The following DGKB variants were observed in gnomAD, a reference collection of about 807,000 sequenced individuals.
DGKB encodes the protein diacylglycerol kinase beta, also known as 90 kDa diacylglycerol kinase.
DGKB carries 67 observed loss-of-function variants against 114.3 expected under a neutral mutation model. The observed-to-expected ratio is 0.59, with a 90% CI of 0.48 to 0.72. The LOEUF (loss-of-function observed/expected upper bound fraction) is 0.72, where lower values mean the gene tolerates loss of function less well. Ranked by LOEUF, DGKB falls within the 30% of genes least tolerant of loss-of-function variation. The pLI is 0.00. For synonymous variants in DGKB, 398 were observed against 323.1 expected (o/e 1.23, Z -2.49); for missense variants, 907 against 975.2 (o/e 0.93, Z 0.93).
intron 25 of DGKB, among the ~76,000 whole-genome samples, chr7:14,155,238 T>C (rs989699722): frequency 6.6e-6 from 1 of 152,096 alleles, no homozygotes; most frequent in African/African-American, 2.4e-5. Context: ...ACAAATATCC[T>C]AACTTACTCA....
At chr7:14,596,095 T>C (rs962405754) in intron 17 of DGKB, among the ~76,000 whole-genome samples, 6 of 152,138 alleles carry the variant, frequency 3.9e-5, no homozygotes, top group Non-Finnish European at 7.4e-5. Flanking sequence ...CGATATTTCA[T>C]AGAGATTTAT....
intron 14 of DGKB, among the ~76,000 whole-genome samples, chr7:14,626,166 T>G (rs892733506): frequency 6.6e-5 from 10 of 152,190 alleles, no homozygotes; most frequent in African/African-American, 2.4e-4. Context: ...GAAAACTGCT[T>G]TCACAAAAGG....
At chr7:14,901,807 G>T (rs1338757186) in intron 1 of DGKB, among the ~76,000 whole-genome samples, 1 of 152,154 alleles carries the variant, frequency 6.6e-6, no homozygotes, top group Non-Finnish European at 1.5e-5. Flanking sequence ...GTTTTTAAAA[G>T]AGTTGGTTAT....
At chr7:14,827,150 A>T (rs1264739028) in intron 2 of DGKB, among the ~76,000 whole-genome samples, 1 of 152,178 alleles carries the variant, frequency 6.6e-6, no homozygotes. Flanking sequence ...GTTTTCACCC[A>T]TCCTGTGTAT....
chr7:14,834,001 T>G (rs1325563925), intron 2 of DGKB, among the ~76,000 whole-genome samples: 1 of 152,168 alleles, frequency 6.6e-6, no homozygotes, highest in Non-Finnish European at 1.5e-5. Flanking sequence ...TGCTGAATAA[T>G]GAATACAGTT....
intron 17 of DGKB, among the ~76,000 whole-genome samples, chr7:14,586,733 G>A (rs1800832090): frequency 6.6e-6 from 1 of 151,884 alleles, no homozygotes; most frequent in African/African-American, 2.4e-5. Flanking sequence ...GGGCCCCTAA[G>A]AATTATGCCA....
chr7:14,671,234 C>A (rs148264240), intron 13 of DGKB, among the ~76,000 whole-genome samples: 1 of 151,834 alleles, frequency 6.6e-6, no homozygotes, highest in Non-Finnish European at 1.5e-5. Flanking sequence ...ACATTGTGAA[C>A]CCAGGAAAGA....
intron 23 of DGKB, among the ~76,000 whole-genome samples, chr7:14,206,695 A>G (rs10950512): frequency 0.47 from 70,725 of 151,950 alleles, 19,367 homozygotes; most frequent in African/African-American, 0.77. Context: ...ATACCCATAA[A>G]ATAGGAATAG....
chr7:14,593,618 A>T (rs564966146), intron 17 of DGKB, among the ~76,000 whole-genome samples: 15 of 152,004 alleles, frequency 9.9e-5, no homozygotes, highest in African/African-American at 3.6e-4. Context: ...TATTGCATGG[A>T]AAATTATAAC....
chr7:14,852,284 GTGTGTGTGTGTGTT>G (rs756226867), intron 1 of DGKB, among the ~76,000 whole-genome samples: 4 of 151,558 alleles, frequency 2.6e-5, no homozygotes, highest in East Asian at 1.9e-4. Flanking sequence ...AAAGAAGTGT[GTGTGTGTGTGTGTT>G]TGTGTGTGTG....
chr7:14,299,852 C>T (rs1460072018), intron 23 of DGKB, among the ~76,000 whole-genome samples: 3 of 151,716 alleles, frequency 2.0e-5, no homozygotes, highest in Non-Finnish European at 4.4e-5. Context: ...CTATATTAAT[C>T]AAGGTATTAT....
At chr7:14,488,332 C>T (rs980383510) in intron 20 of DGKB, among the ~76,000 whole-genome samples, 3 of 152,126 alleles carry the variant, frequency 2.0e-5, no homozygotes, top group African/African-American at 7.2e-5. Context: ...GGTCTTTTCA[C>T]ATAATTAACT....
intron 21 of DGKB, among the ~76,000 whole-genome samples, chr7:14,410,242 G>A (rs1406160838): frequency 6.6e-6 from 1 of 150,566 alleles, no homozygotes; most frequent in Admixed American, 6.6e-5. Context: ...ATGCACACAT[G>A]TATATATATA....
At chr7:14,931,853 G>T (rs1300523068) in intron 1 of DGKB, among the ~76,000 whole-genome samples, 6 of 152,066 alleles carry the variant, frequency 3.9e-5, no homozygotes, top group Non-Finnish European at 7.4e-5. Context: ...GTGGGTCGGG[G>T]GGTGGGGATA....
chr7:14,492,907 T>C (rs1184360942), intron 20 of DGKB, among the ~76,000 whole-genome samples: 6 of 152,134 alleles, frequency 3.9e-5, no homozygotes, highest in Non-Finnish European at 1.5e-5. Context: ...CTGTCATAAA[T>C]AGTAATAGCC....
chr7:14,195,327 G>A (rs1784869554), intron 23 of DGKB, among the ~76,000 whole-genome samples: 1 of 152,138 alleles, frequency 6.6e-6, no homozygotes, highest in African/African-American at 2.4e-5. Context: ...AAGCGCTCAT[G>A]AATGAAGGCT....
At chr7:14,311,108 A>G (rs982258198) in intron 23 of DGKB, among the ~76,000 whole-genome samples, 1 of 152,196 alleles carries the variant, frequency 6.6e-6, no homozygotes, top group Non-Finnish European at 1.5e-5. Context: ...AGCCTGGGGA[A>G]CAGAGCAAGA....
At chr7:14,705,528 T>A (rs971423011) in intron 6 of DGKB, among the ~76,000 whole-genome samples, 3 of 150,620 alleles carry the variant, frequency 2.0e-5, no homozygotes, top group South Asian at 2.2e-4. Context: ...TTCACCAAAG[T>A]TGAAATGAAG....
At chr7:14,340,407 G>A (rs957115491) in intron 22 of DGKB, among the ~76,000 whole-genome samples, 1 of 151,294 alleles carries the variant, frequency 6.6e-6, no homozygotes, top group Non-Finnish European at 1.5e-5. Context: ...GGAATGTACT[G>A]GCTGGATAAT....
Sources: gnomAD v4.1 joint callset for allele counts (sites outside exome capture counted in the v4.1 genomes callset) on GRCh38, gnomAD v4.1.1 for gene constraint, MANE v1.5 for transcripts, NCBI Gene and HGNC (gene_info 2026-07-23, HGNC 2026-07-21) for gene names.